PLCD1: variants seen among roughly 807,000 people sequenced by gnomAD.
PLCD1 encodes the protein phospholipase C delta 1, also known as 1-phosphatidylinositol 4,5-bisphosphate phosphodiesterase delta-1.
Under a neutral mutation model 87.4 loss-of-function variants are expected in PLCD1, and 71 were observed. The ratio of observed to expected loss-of-function variants is 0.81; its 90% confidence interval spans 0.67 to 0.99. The LOEUF is 0.99. Among genes scored for constraint, PLCD1 ranks in the 50% least tolerant of loss-of-function variants. The pLI is 0.00. For synonymous variants in PLCD1, 348 were observed against 399.2 expected, an observed-to-expected ratio of 0.87 and a Z score of 1.53; for missense variants, 867 against 1,001.5, an observed-to-expected ratio of 0.87 and a Z score of 1.81.
chr3:38,019,585 C>T (rs545598865), intron 2 of PLCD1, among the ~76,000 whole-genome samples: 1 of 152,112 alleles, frequency 6.6e-6, no homozygotes, highest in Non-Finnish European at 1.5e-5. Flanking sequence ...TCCCTGAGGC[C>T]TTGCAGGAGG....
chr3:38,024,875 G>C, intron 1 of PLCD1: 1 of 441,452 alleles, frequency 2.3e-6, no homozygotes, highest in Non-Finnish European at 3.7e-6. Flanking sequence ...GATGGGGCGA[G>C]AGTGGTGTCG....
chr3:38,018,082 C>T lies in PLCD1; in HGVS notation c.200-1363G>A, dbSNP rs1012968606. On this transcript the variant is annotated intron_variant, in intron 2 of 14. Transcript: ENST00000334661. The surrounding 1 kb of genome is among the most constrained non-coding windows in gnomAD (Gnocchi z 5.7). Reference sequence around the variant, plus strand: ...ACCTTTGGCCTCTGGGAACCAGAGTCATGGGGGTGGGTAGTAGTGGCAGGA... The same window carrying T: ...ACCTTTGGCCTCTGGGAACCAGAGTTATGGGGGTGGGTAGTAGTGGCAGGA... 1.3e-5 allele frequency among the ~76,000 whole-genome samples: 2 copies of T among 152,178 alleles called. No individual in the cohort carries two copies. The highest frequency in any genetic ancestry group is 2.9e-5 in the Non-Finnish European group (2 of 68,030).
rs142897308 is a variant in PLCD1 at position 38,027,054 on chromosome 3, C to A, written c.34+2452G>T. On this transcript the variant is annotated intron_variant, in intron 1 of 14. Coordinates refer to ENST00000334661, the MANE Select transcript of PLCD1 (RefSeq NM_006225.4). Reference sequence around the variant, plus strand: ...GGAGGTAATGTCCTTTGGGGCACATCGGGGGACCTGCTAGAGAAGCCAGTC... The same window carrying A: ...GGAGGTAATGTCCTTTGGGGCACATAGGGGGACCTGCTAGAGAAGCCAGTC... 5.0e-3 allele frequency among the ~76,000 whole-genome samples: 755 copies of A among 151,924 alleles called. 3 individuals are homozygous for A. Among genetic ancestry groups the A allele is most frequent in the Middle Eastern group, 0.017 (5 of 292 alleles).
At chr3:38,024,093 G>A in intron 1 of PLCD1, 1 of 517,558 alleles carries the variant, frequency 1.9e-6, no homozygotes, top group Non-Finnish European at 3.4e-6. Context: ...GACAAGGGAT[G>A]GGGAGCGTTG....
intron 3 of PLCD1, among the ~76,000 whole-genome samples, chr3:38,015,520 C>A (rs988445461): frequency 1.1e-4 from 16 of 152,108 alleles, no homozygotes; most frequent in African/African-American, 3.9e-4. Context: ...GATGGCTGCA[C>A]AATTCTGTGA....
Position 38,010,280 on chromosome 3 carries a change from G to T in PLCD1, c.993-5C>A. The T allele has an allele frequency of 6.2e-7, 1 of 1,614,210 alleles. No individual in the cohort carries two copies. The highest frequency in any genetic ancestry group is 8.5e-7 in the Non-Finnish European group (1 of 1,180,044). On this transcript the variant is annotated splice_polypyrimidine_tract_variant and splice_region_variant and intron_variant, in intron 6 of 14. Coordinates refer to ENST00000334661, the MANE Select transcript of PLCD1 (RefSeq NM_006225.4). The stretch of plus-strand genomic sequence containing the variant: ...CGGCAGCCTTTGCACAGTGCCCTGC[G>T]GGGAGGGTGGTGGCTAGGACCCTCC...
At position 38,017,641 on chromosome 3, in the gene PLCD1, C is replaced by T. The variant is rs1177791439; in HGVS notation, c.200-922G>A. ...AGGCTCATGCTGTGCCTCCCAGCAG[C>T]AGGATCCAGGCTCTGCCCCTGCCAT... On this transcript the variant is annotated intron_variant, in intron 2 of 14. Transcript: ENST00000334661. This position sits in a 1 kb window ranked among gnomAD's most constrained non-coding sequence, Gnocchi z 4.7. Among the ~76,000 whole-genome samples the T allele has an allele frequency of 6.6e-6, 1 of 152,188 alleles. No homozygotes were observed. Among genetic ancestry groups the T allele is most frequent in the Non-Finnish European group, 1.5e-5 (1 of 68,016 alleles).
chr3:38,011,320 CAG>C lies in PLCD1; in HGVS notation c.682_683del (p.Leu228ValfsTer28), dbSNP rs762722682. ...FAEAAGSGET[L>X]SVDQLVTFLQ... is the part of the protein sequence containing the mutation. ...GGAACGTCACTAACTGATCCACCGACAGAGTCTCCCCTGAGCCCGCGGCCTCG... is the reference window on the plus strand; with the variant it reads ...GGAACGTCACTAACTGATCCACCGACAGTCTCCCCTGAGCCCGCGGCCTCG... On this transcript the variant is annotated frameshift_variant, in exon 5 of 15. Transcript: ENST00000334661. LOFTEE classifies it high-confidence loss of function. 30 of 1,612,300 alleles carry C rather than the reference CAG, an allele frequency of 1.9e-5. No homozygotes were observed. Among genetic ancestry groups the C allele is most frequent in the South Asian group, 8.8e-5 (8 of 91,012 alleles).
chr3:38,014,465 T>C (rs1700126230), intron 3 of PLCD1: 1 of 153,694 alleles, frequency 6.5e-6, no homozygotes, highest in African/African-American at 2.4e-5. Flanking sequence ...AGGCAAAGCT[T>C]TCGTGAATAT....
chr3:38,010,621 C>G lies in PLCD1; in HGVS notation c.791-59G>C, dbSNP rs1575347905. 3.5e-6 allele frequency: 5 copies of G among 1,437,752 alleles called. No individual in the cohort carries two copies. In the African/African-American group the frequency reaches 4.2e-5, roughly 12 times the overall value. The allele number at this position is 1,437,752 out of a possible 1,614,324, so 89.1% of individuals were successfully genotyped here. ...AGCCTCCAGCAGGCGCTCCTGGCTGCCCACCCATCTGGACAGAGGAGCCCT... is the reference window on the plus strand; with the variant it reads ...AGCCTCCAGCAGGCGCTCCTGGCTGGCCACCCATCTGGACAGAGGAGCCCT... On this transcript the variant is annotated intron_variant, in intron 5 of 14. Transcript: ENST00000334661.
rs1364647264 is a variant in PLCD1, at chr3:38,009,804, T to C, written c.1295A>G (p.Lys432Arg). The change falls in exon 9 of 15, where the codon AAG (lysine) becomes AGG (arginine). Residue 432 changes from lysine to arginine, a missense_variant. Transcript: ENST00000334661. ...CTTCCCCTTCAGCAGGATCTTCCCC[T>C]TCAGTTGCTAGGTGGGGAGGGGCAA... ...TNSLPSPEQL[K>R]GKILLKGKKL... 1 of 1,613,920 alleles carries C rather than the reference T, an allele frequency of 6.2e-7. No individual in the cohort carries two copies. Among genetic ancestry groups the C allele is most frequent in the Admixed American group, 1.7e-5 (1 of 60,026 alleles).
At position 38,016,697 on chromosome 3, in the gene PLCD1, C is replaced by T. The variant is rs1413998679; in HGVS notation, c.222G>A (p.Glu74=). The T allele has an allele frequency of 1.3e-6, 2 of 1,563,584 alleles. No individual in the cohort carries two copies. Among genetic ancestry groups the T allele is most frequent in the Non-Finnish European group, 1.7e-6 (2 of 1,152,838 alleles). Reference sequence around the variant, plus strand: ...CCTCCGTGCGGTGCCCCATTCGCACCTCCTGAATGTCCTCGATGGAGACTG... The same window carrying T: ...CCTCCGTGCGGTGCCCCATTCGCACTTCCTGAATGTCCTCGATGGAGACTG... ...SQLFSIEDIQ[E]VRMGHRTEGL... is the part of the protein sequence containing the mutation. The change falls in exon 3 of 15, where the codon GAG becomes GAA. Residue 74 remains glutamate, a synonymous_variant. Coordinates refer to ENST00000334661, the MANE Select transcript of PLCD1 (RefSeq NM_006225.4).
chr3:38,024,346 G>C, intron 1 of PLCD1: 2 of 1,612,730 alleles, frequency 1.2e-6, no homozygotes, highest in Non-Finnish European at 1.7e-6. Context: ...CCCAGCCTCC[G>C]TCCATTGAGC....
At chr3:38,029,337 A>T (rs968301124) in intron 1 of PLCD1, among the ~76,000 whole-genome samples, 169 bp downstream of exon 1, 5 of 132,124 alleles carry the variant, frequency 3.8e-5, no homozygotes, top group African/African-American at 1.4e-4. Flanking sequence ...AGTCCCACCC[A>T]GGGAGCCGCG....
chr3:38,011,396 G>A lies in PLCD1; in HGVS notation c.608C>T (p.Ala203Val), dbSNP rs752935246. Residue 203 changes from alanine (A) to valine (V), a missense_variant, in exon 5 of 15, where the codon GCC (alanine) becomes GTC (valine). Coordinates refer to ENST00000334661, the MANE Select transcript of PLCD1 (RefSeq NM_006225.4). ...CCGCTGGGTCAGCATCTTGTAGAAG[G>A]CCTCAATCTCCTCGTCCTCCAGGGA... ...TDSLEDEEIE[A>V]FYKMLTQRVE... is the part of the protein sequence containing the mutation. 5 of 1,613,864 alleles carry A rather than the reference G, an allele frequency of 3.1e-6. No individual in the cohort carries two copies. Among genetic ancestry groups the A allele is most frequent in the South Asian group, 2.2e-5 (2 of 91,068 alleles).
chr3:38,009,798 T>A lies in PLCD1; in HGVS notation c.1301A>T (p.Lys434Met). ...GAGCTTCTTCCCCTTCAGCAGGATCTTCCCCTTCAGTTGCTAGGTGGGGAG... is the reference window on the plus strand; with the variant it reads ...GAGCTTCTTCCCCTTCAGCAGGATCATCCCCTTCAGTTGCTAGGTGGGGAG... ...SLPSPEQLKG[K>M]ILLKGKKLGG... The change falls in exon 9 of 15, where the codon AAG becomes ATG. Residue 434 changes from lysine (K) to methionine (M), a missense_variant. Physicochemically the swap from Lys to Met is moderately conservative, Grantham distance 95 (BLOSUM62 -1). Transcript: ENST00000334661. 1 of 1,613,980 alleles carries A rather than the reference T, an allele frequency of 6.2e-7. No individual in the cohort carries two copies. The highest frequency in any genetic ancestry group is 8.5e-7 in the Non-Finnish European group (1 of 1,180,010).
At chr3:38,024,711 A>T in intron 1 of PLCD1, 1 of 1,462,650 alleles carries the variant, frequency 6.8e-7, no homozygotes, top group Non-Finnish European at 9.1e-7. Context: ...ATGCCCCCTG[A>T]AGGTGAGGCG....
At chr3:38,015,088 G>A (rs899221715) in intron 3 of PLCD1, among the ~76,000 whole-genome samples, 4 of 152,176 alleles carry the variant, frequency 2.6e-5, no homozygotes, top group African/African-American at 7.2e-5. Flanking sequence ...ATGACCCAGC[G>A]ATTCTACTCC....
rs1185942770 is a variant in PLCD1 at position 38,017,500 on chromosome 3, G to A, written c.200-781C>T. On this transcript the variant is annotated intron_variant, in intron 2 of 14. Transcript: ENST00000334661. The surrounding 1 kb of genome is among the most constrained non-coding windows in gnomAD (Gnocchi z 4.7). Reference sequence around the variant, plus strand: ...ATCATTCTGCCCTTAGGGGAGCCAAGGGGAGGGCCCTCCCCTCACACCCAG... The same window carrying A: ...ATCATTCTGCCCTTAGGGGAGCCAAAGGGAGGGCCCTCCCCTCACACCCAG... Among the ~76,000 whole-genome samples, 1 of 152,164 alleles carries A rather than the reference G, an allele frequency of 6.6e-6. No individual in the cohort carries two copies. Among genetic ancestry groups the A allele is most frequent in the African/African-American group, 2.4e-5 (1 of 41,444 alleles).
Sources: gnomAD v4.1 joint callset for allele counts (sites outside exome capture counted in the v4.1 genomes callset) on GRCh38, gnomAD v4.1.1 for gene constraint, Gnocchi (gnomAD v3.1) non-coding constraint, MANE v1.5 for transcripts, NCBI Gene and HGNC (gene_info 2026-07-23, HGNC 2026-07-21) for gene names.